Variants in LPA observed in about 807,000 individuals in gnomAD.
LPA encodes the protein apolipoprotein(a).
A neutral mutation model predicts 197.9 loss-of-function variants in LPA; 199 were observed. The ratio of observed to expected loss-of-function variants is 1.01; its 90% confidence interval spans 0.90 to 1.13. The LOEUF (loss-of-function observed/expected upper bound fraction) is 1.13. Ranked by LOEUF, LPA falls within the 50% of genes most tolerant of loss-of-function variation. LPA has a pLI of 0.00. For missense variants in LPA, 1,853 were observed against 1,785.8 expected, an observed-to-expected ratio of 1.04 and a Z score of -0.68; for synonymous variants, 715 against 639.5, an observed-to-expected ratio of 1.12 and a Z score of -1.78.
rs754855527 is a variant in LPA, at chr6:160,594,044, A to G, written c.3543T>C (p.Ser1181=). The change falls in exon 22 of 39, where the codon TCT becomes TCC. Residue 1181 remains serine, a synonymous_variant. Coordinates refer to ENST00000316300, the MANE Select transcript of LPA (RefSeq NM_005577.4). ...GDGQSYRGSF[S]TTVTGRTCQS... is the part of the protein sequence containing the mutation. ...GACATGTCCTTCCTGTGACAGTGGT[A>G]GAGAATGAGCCTCGATAACTCTGTC... 8 of 1,613,870 alleles carry G rather than the reference A, an allele frequency of 5.0e-6. No homozygotes were observed. Among genetic ancestry groups the G allele is most frequent in the Admixed American group, 1.7e-5 (1 of 59,998 alleles).
chr6:160,533,297 T>C (rs1013572762), intron 37 of LPA, among the ~76,000 whole-genome samples: 1 of 152,210 alleles, frequency 6.6e-6, no homozygotes, highest in African/African-American at 2.4e-5. Flanking sequence ...TAAAAAAGAA[T>C]AGTCATCATT....
At chr6:160,549,813 A>AG (rs1361169551) in intron 30 of LPA, among the ~76,000 whole-genome samples, 2 of 152,190 alleles carry the variant, frequency 1.3e-5, no homozygotes, top group African/African-American at 4.8e-5. Flanking sequence ...GACTGACAGA[A>AG]GGGGGATGAG....
At chr6:160,577,916 A>C (rs1778714489) in intron 27 of LPA, among the ~76,000 whole-genome samples, 1 of 152,184 alleles carries the variant, frequency 6.6e-6, no homozygotes. Context: ...ACTCACTGCC[A>C]ATGCAGGTTT....
At chr6:160,568,971 T>C (rs544735739) in intron 28 of LPA, among the ~76,000 whole-genome samples, 5 of 152,160 alleles carry the variant, frequency 3.3e-5, no homozygotes, top group African/African-American at 1.2e-4. Context: ...CACTGCTTAA[T>C]GAAATAAAAG....
chr6:160,552,845 G>A (rs1190221884), intron 30 of LPA, among the ~76,000 whole-genome samples: 2 of 151,958 alleles, frequency 1.3e-5, no homozygotes, highest in African/African-American at 4.8e-5. Flanking sequence ...ATACTCATAA[G>A]GTAGTTCAGT....
chr6:160,654,919 C>T (rs111921046), intron 1 of LPA, among the ~76,000 whole-genome samples: 107 of 152,286 alleles, frequency 7.0e-4, no homozygotes, highest in African/African-American at 2.2e-3. Flanking sequence ...CCTCTGTCAA[C>T]TGATCATAGG....
At chr6:160,550,510 G>C (rs977730984) in intron 30 of LPA, among the ~76,000 whole-genome samples, 1 of 152,180 alleles carries the variant, frequency 6.6e-6, no homozygotes, top group Non-Finnish European at 1.5e-5. Flanking sequence ...TATGAGGGAG[G>C]TTATTGATCT....
chr6:160,647,238 G>T (rs6905823), intron 2 of LPA, among the ~76,000 whole-genome samples: 8 of 152,154 alleles, frequency 5.3e-5, no homozygotes, highest in Non-Finnish European at 1.2e-4. Context: ...ATCTGAAGAG[G>T]TCGGACAGCT....
rs1427444769 is a variant in LPA at position 160,584,236 on chromosome 6, CT to C, written c.4289+809del. On this transcript the variant is annotated intron_variant, in intron 26 of 38. Transcript: ENST00000316300. ...TCTTCTTCTTCTTCTTCTTCTTCTTCTTCCTCCTCCTCCTCCTCCTCCTCTT... is the reference window on the plus strand; with the variant it reads ...TCTTCTTCTTCTTCTTCTTCTTCTTCTCCTCCTCCTCCTCCTCCTCCTCTT... Among the ~76,000 whole-genome samples, 754 of 86,326 alleles carry C rather than the reference CT, an allele frequency of 8.7e-3. 5 individuals are homozygous for C. Among genetic ancestry groups the C allele is most frequent in the African/African-American group, 0.024 (597 of 25,372 alleles). 56.6% of individuals were successfully genotyped at this position (86,326 alleles called of 152,430 possible).
chr6:160,542,912 G>A, intron 33 of LPA, 104 bp from the exon 34 acceptor site: 3 of 1,502,586 alleles, frequency 2.0e-6, no homozygotes, highest in Non-Finnish European at 9.2e-7. Flanking sequence ...CATCTCAAAG[G>A]TGAAATTAAA....
chr6:160,588,429 G>A lies in LPA; in HGVS notation c.3947+1124C>T, dbSNP rs116109016. Among the ~76,000 whole-genome samples, 193 of 152,244 alleles carry A rather than the reference G, an allele frequency of 1.3e-3. 3 individuals are homozygous for A. The highest frequency in any genetic ancestry group is 4.5e-3 in the African/African-American group (188 of 41,550). On this transcript the variant is annotated intron_variant, in intron 24 of 38. Coordinates refer to ENST00000316300, the MANE Select transcript of LPA (RefSeq NM_005577.4). ...TTGGTCTCTACTGAATGCCCAAAATGTAGTGAGGTGTTTCTCCTCTGAGTG... is the reference window on the plus strand; with the variant it reads ...TTGGTCTCTACTGAATGCCCAAAATATAGTGAGGTGTTTCTCCTCTGAGTG...
chr6:160,605,070 C>G lies in LPA; in HGVS notation c.2921G>C (p.Arg974Pro). Residue 974 changes from arginine to proline, a missense_variant, in exon 18 of 39, where the codon CGG (arginine) becomes CCG (proline). Physicochemically the swap from Arg to Pro is moderately radical, Grantham distance 103. Transcript: ENST00000316300. ...WSSMTPHSHS[R>P]TPAYYPNAGL... ...CGCATTTGGGTAGTATGCTGGGGTC[C>G]GACTATGCGAGTGTGGTGTCATAGA... is the stretch of plus-strand genomic sequence containing the variant. The G allele has an allele frequency of 1.2e-6, 2 of 1,613,734 alleles. No homozygotes were observed. The highest frequency in any genetic ancestry group is 1.7e-6 in the Non-Finnish European group (2 of 1,179,758).
intron 17 of LPA, among the ~76,000 whole-genome samples, chr6:160,605,679 AG>A (rs1779334723): frequency 6.6e-6 from 1 of 152,170 alleles, no homozygotes; most frequent in African/African-American, 2.4e-5. Flanking sequence ...TCATAACAAA[AG>A]GCAAGGTCTT....
chr6:160,656,801 C>T (rs1226887440), intron 1 of LPA, among the ~76,000 whole-genome samples: 1 of 152,128 alleles, frequency 6.6e-6, no homozygotes, highest in Non-Finnish European at 1.5e-5. Flanking sequence ...GATTGAGGGC[C>T]CATGATTCTC....
At chr6:160,562,373 T>C (rs1778377091) in intron 28 of LPA, among the ~76,000 whole-genome samples, 1 of 152,238 alleles carries the variant, frequency 6.6e-6, no homozygotes, top group Admixed American at 6.5e-5. Context: ...ATTATGTTTA[T>C]TGATTTGAAT....
chr6:160,634,726 T>C (rs1364712479), intron 7 of LPA, among the ~76,000 whole-genome samples: 4 of 151,918 alleles, frequency 2.6e-5, no homozygotes, highest in Admixed American at 2.6e-4. Flanking sequence ...CCACATTTTT[T>C]GAAATCTGCA....
intron 24 of LPA, among the ~76,000 whole-genome samples, chr6:160,586,920 C>T (rs1389919492): frequency 6.6e-6 from 1 of 152,200 alleles, no homozygotes; most frequent in Non-Finnish European, 1.5e-5. Flanking sequence ...CTTCTACCTT[C>T]TGCCAAATAC....
intron 34 of LPA, among the ~76,000 whole-genome samples, 190 bp from the exon 35 acceptor site, chr6:160,541,371 C>T (rs1445848930): frequency 6.6e-6 from 1 of 152,174 alleles, no homozygotes; most frequent in African/African-American, 2.4e-5. Context: ...TTCAGAAGGG[C>T]CCATCTGTGC....
chr6:160,543,467 C>G (rs975814704), intron 33 of LPA, among the ~76,000 whole-genome samples: 1 of 152,050 alleles, frequency 6.6e-6, no homozygotes, highest in African/African-American at 2.4e-5. Flanking sequence ...TTAATAACAA[C>G]TGCAAGAGGA....
Sources: gnomAD v4.1 joint callset for allele counts (sites outside exome capture counted in the v4.1 genomes callset) on GRCh38, gnomAD v4.1.1 for gene constraint, MANE v1.5 for transcripts, NCBI Gene and HGNC (gene_info 2026-07-23, HGNC 2026-07-21) for gene names.